The following SLCO3A1 variants were observed in gnomAD, a reference collection of about 807,000 sequenced individuals.
SLCO3A1 encodes solute carrier organic anion transporter family member 3A1.
SLCO3A1 carries 27 observed loss-of-function variants against 63.1 expected under a neutral mutation model. That is an observed-to-expected ratio of 0.43 (90% CI 0.32 to 0.59). The LOEUF is 0.59. SLCO3A1 is among the 20% of genes least tolerant of loss of function. The pLI, the probability that SLCO3A1 is intolerant of heterozygous loss-of-function variation, is 0.09. For missense variants in SLCO3A1, 773 were observed against 945.8 expected (o/e 0.82, Z 2.40); for synonymous variants, 473 against 409.9 (o/e 1.15, Z -1.86).
At position 91,942,604 on chromosome 15, in the gene SLCO3A1, G is replaced by T. The variant is rs1469371332; in HGVS notation, c.646+26146G>T. On this transcript the variant is annotated intron_variant, in intron 2 of 9. Coordinates refer to ENST00000318445, the MANE Select transcript of SLCO3A1 (RefSeq NM_013272.4). This position sits in a 1 kb window ranked among gnomAD's most constrained non-coding sequence, Gnocchi z 4.1. ...TTGTTTGTTTGTTTGTTTGTTTCGA[G>T]ACCGAGTCTTGCTCTGTCGACCAGG... 2.0e-5 allele frequency among the ~76,000 whole-genome samples: 3 copies of T among 152,112 alleles called. No individual in the cohort carries two copies.
chr15:91,877,333 TAAG>T (rs1897424707), intron 1 of SLCO3A1, among the ~76,000 whole-genome samples: 1 of 152,240 alleles, frequency 6.6e-6, no homozygotes, highest in South Asian at 2.1e-4. Context: ...TTAAAAATTT[TAAG>T]ATGTTCGTGT....
intron 2 of SLCO3A1, among the ~76,000 whole-genome samples, chr15:91,981,770 C>T (rs2045990784): frequency 1.3e-5 from 2 of 152,178 alleles, no homozygotes; most frequent in African/African-American, 4.8e-5. Context: ...CCCCCTGCCA[C>T]AGAGTGTGGA....
chr15:91,986,590 TAA>T (rs1039807437), intron 2 of SLCO3A1, among the ~76,000 whole-genome samples: 1 of 145,448 alleles, frequency 6.9e-6, no homozygotes. Flanking sequence ...TACATTCTTT[TAA>T]AAAAAAAAAA....
chr15:91,996,308 A>C (rs1330864290), intron 2 of SLCO3A1, among the ~76,000 whole-genome samples: 3 of 152,196 alleles, frequency 2.0e-5, no homozygotes, highest in African/African-American at 7.2e-5. Context: ...TTTATCAAGA[A>C]TATTATACAG....
At position 92,047,580 on chromosome 15, in the gene SLCO3A1, ATAATAT is replaced by A. The variant is rs1567087989; in HGVS notation, c.647-47300_647-47295del. Among the ~76,000 whole-genome samples, 3 of 18,340 alleles carry A rather than the reference ATAATAT, an allele frequency of 1.6e-4. 1 individual carries two copies. The highest frequency in any genetic ancestry group is 4.0e-3 in the East Asian group (2 of 496). The allele number at this position is 18,340 out of a possible 152,430, so 12.0% of individuals were successfully genotyped here. On this transcript the variant is annotated intron_variant, in intron 2 of 9. Transcript: ENST00000318445. ...TATAAATATATATATAAATATATAT[ATAATAT>A]ATATATAATATATAATATATATATA...
rs1310949716 is a variant in SLCO3A1, at chr15:92,131,367, T to C, written c.1512+2878T>C. 1.8e-5 allele frequency among the ~76,000 whole-genome samples: 2 copies of C among 108,996 alleles called. 1 individual carries two copies. Among genetic ancestry groups the C allele is most frequent in the Non-Finnish European group, 4.4e-5 (2 of 45,424 alleles). The allele number at this position is 108,996 out of a possible 152,430, so 71.5% of individuals were successfully genotyped here. A position where few individuals can be genotyped will look rare whatever the true frequency, so the allele number is the denominator to read the frequency against. ...AACCTCCCTATTCCTCCCACCTCTT[T>C]TTTTTTTTTTTTTTTGAGACAGGGT... On this transcript the variant is annotated intron_variant, in intron 7 of 9. Transcript: ENST00000318445.
chr15:92,053,528 C>G (rs900278024), intron 2 of SLCO3A1, among the ~76,000 whole-genome samples: 1 of 152,094 alleles, frequency 6.6e-6, no homozygotes, highest in African/African-American at 2.4e-5. Flanking sequence ...TCCGGGACAT[C>G]GCATTACATT....
At chr15:92,132,959 T>C (rs1230726418) in intron 7 of SLCO3A1, among the ~76,000 whole-genome samples, 1 of 146,002 alleles carries the variant, frequency 6.8e-6, no homozygotes, top group Non-Finnish European at 1.5e-5. Context: ...TGCATCAGTA[T>C]TTTTTTAACC....
In SLCO3A1 at chr15:91,976,588, T is replaced by C. The variant is rs1402533696; in HGVS notation, c.646+60130T>C. On this transcript the variant is annotated intron_variant, in intron 2 of 9. Coordinates refer to ENST00000318445, the MANE Select transcript of SLCO3A1 (RefSeq NM_013272.4). ...CCTCAACTCTATCGGGGAATCCACG[T>C]TGGGCACCAGATATCGGGGAATCTG... is the stretch of plus-strand genomic sequence containing the variant. 9.2e-5 allele frequency among the ~76,000 whole-genome samples: 14 copies of C among 152,252 alleles called. No individual in the cohort carries two copies. The East Asian group carries it at 1.7e-3, about 19-fold the overall frequency.
intron 4 of SLCO3A1, among the ~76,000 whole-genome samples, chr15:92,106,000 G>A (rs2047663196): frequency 6.6e-6 from 1 of 152,130 alleles, no homozygotes; most frequent in South Asian, 2.1e-4. Context: ...CCAGCCCTGC[G>A]ATCATTAACT....
chr15:92,145,440 T>C (rs1310675813), intron 7 of SLCO3A1, among the ~76,000 whole-genome samples: 1 of 152,120 alleles, frequency 6.6e-6, no homozygotes, highest in African/African-American at 2.4e-5. Context: ...ACGTCTCAGC[T>C]CTGCGCTAGG....
At chr15:92,012,316 C>T (rs950776296) in intron 2 of SLCO3A1, among the ~76,000 whole-genome samples, 2 of 152,200 alleles carry the variant, frequency 1.3e-5, no homozygotes, top group African/African-American at 4.8e-5. Flanking sequence ...CAGGAAAGGG[C>T]TCAGCTTTCT....
chr15:91,958,188 CTG>C (rs1402499772), intron 2 of SLCO3A1, among the ~76,000 whole-genome samples: 5 of 152,236 alleles, frequency 3.3e-5, no homozygotes, highest in Non-Finnish European at 7.4e-5. Flanking sequence ...TATTAATTGA[CTG>C]TTTATGTTAT....
At chr15:91,868,475 A>G (rs569089355) in intron 1 of SLCO3A1, among the ~76,000 whole-genome samples, 63 of 151,838 alleles carry the variant, frequency 4.1e-4, no homozygotes, top group African/African-American at 1.5e-3. Flanking sequence ...AAAAAAATCC[A>G]TAATTCAGAG....
chr15:91,958,678 A>G (rs1452613276), intron 2 of SLCO3A1, among the ~76,000 whole-genome samples: 1 of 152,220 alleles, frequency 6.6e-6, no homozygotes, highest in Non-Finnish European at 1.5e-5. Context: ...TTCATATACT[A>G]TAAAATTTGC....
intron 2 of SLCO3A1, among the ~76,000 whole-genome samples, chr15:91,955,440 C>A (rs1900139842): frequency 6.6e-6 from 1 of 152,044 alleles, no homozygotes; most frequent in Non-Finnish European, 1.5e-5. Context: ...TCAACCAGTT[C>A]TCCTGTCTCA....
chr15:92,112,623 G>A (rs1026673244), intron 4 of SLCO3A1, among the ~76,000 whole-genome samples: 5 of 152,184 alleles, frequency 3.3e-5, no homozygotes, highest in Non-Finnish European at 7.3e-5. Flanking sequence ...GCCTCCTCTG[G>A]GGGCCAACAG....
chr15:92,066,454 A>T (rs1262980100), intron 2 of SLCO3A1, among the ~76,000 whole-genome samples: 1 of 152,248 alleles, frequency 6.6e-6, no homozygotes, highest in Non-Finnish European at 1.5e-5. Context: ...CCACAATTTC[A>T]GTTATTGTTA....
chr15:92,070,425 C>T (rs1389027200), intron 2 of SLCO3A1, among the ~76,000 whole-genome samples: 1 of 152,168 alleles, frequency 6.6e-6, no homozygotes, highest in Non-Finnish European at 1.5e-5. Context: ...GGCAGATCAC[C>T]TGAGGTTAGG....
Sources: allele counts gnomAD v4.1 joint callset (sites outside exome capture counted in the v4.1 genomes callset), GRCh38; gene constraint gnomAD v4.1.1; non-coding constraint Gnocchi (gnomAD v3.1); transcripts MANE v1.5; gene names NCBI Gene and HGNC (gene_info 2026-07-23, HGNC 2026-07-21).